DSCAM: variants seen among roughly 807,000 people sequenced by gnomAD.
The protein encoded by DSCAM is DS cell adhesion molecule, also known as cell adhesion molecule DSCAM.
Under a neutral mutation model 217.7 loss-of-function variants are expected in DSCAM, and 47 were observed. The ratio of observed to expected loss-of-function variants is 0.22; its 90% CI spans 0.17 to 0.28. DSCAM has a LOEUF of 0.28. DSCAM is among the 10% of genes least tolerant of loss of function. The pLI is 1.00. For synonymous variants in DSCAM, 1,056 were observed against 1,015.3 expected, an observed-to-expected ratio of 1.04 and a Z score of -0.76; for missense variants, 2,080 against 2,618.3, an observed-to-expected ratio of 0.79 and a Z score of 4.49.
At chr21:40,069,216 GA>G (rs1458193444) in intron 27 of DSCAM, among the ~76,000 whole-genome samples, 1 of 152,202 alleles carries the variant, frequency 6.6e-6, no homozygotes, top group Non-Finnish European at 1.5e-5. Context: ...CTATGGAGAA[GA>G]AAGAGGAGCG....
chr21:40,670,074 A>C (rs1293416105), intron 3 of DSCAM, among the ~76,000 whole-genome samples: 4 of 152,190 alleles, frequency 2.6e-5, no homozygotes, highest in Non-Finnish European at 4.4e-5. Context: ...TACTAGTTCA[A>C]GTTAATTCAC....
At chr21:40,213,774 A>G (rs2146886693) in intron 11 of DSCAM, among the ~76,000 whole-genome samples, 1 of 152,284 alleles carries the variant, frequency 6.6e-6, no homozygotes, top group South Asian at 2.1e-4. Context: ...AGCCTCTCCA[A>G]GACATGCAGG....
intron 1 of DSCAM, among the ~76,000 whole-genome samples, chr21:40,839,631 G>A (rs1453250616): frequency 1.3e-5 from 2 of 151,772 alleles, no homozygotes; most frequent in East Asian, 1.9e-4. Flanking sequence ...GCAAGGGTTG[G>A]TATGCTTTTT....
intron 10 of DSCAM, among the ~76,000 whole-genome samples, 190 bp downstream of exon 10, chr21:40,295,865 C>T (rs192818302): frequency 5.3e-4 from 81 of 152,268 alleles, no homozygotes; most frequent in African/African-American, 1.5e-3. Flanking sequence ...ACAACAGACA[C>T]GTTGTGTGTC....
intron 3 of DSCAM, among the ~76,000 whole-genome samples, chr21:40,393,034 C>T (rs1466973417): frequency 6.6e-6 from 1 of 152,202 alleles, no homozygotes; most frequent in Non-Finnish European, 1.5e-5. Context: ...TCCTTGACAT[C>T]AAGTGTAAGC....
At chr21:40,185,840 C>T (rs960744358) in intron 14 of DSCAM, among the ~76,000 whole-genome samples, 6 of 152,178 alleles carry the variant, frequency 3.9e-5, no homozygotes, top group Admixed American at 2.0e-4. Context: ...GGTGAGCCCC[C>T]CAGGTCACTG....
In DSCAM at chr21:40,599,171, T is replaced by C. The variant is rs1053020242; in HGVS notation, c.508+93639A>G. 2.3e-4 allele frequency among the ~76,000 whole-genome samples: 35 copies of C among 152,294 alleles called. 1 individual carries two copies. The highest frequency in any genetic ancestry group is 7.7e-4 in the African/African-American group (32 of 41,576). ...GCTTGTCTTTTAACGTTCTCAATTG[T>C]TCAATTGTGTCTTTTGCTGAGCAGA... On this transcript the variant is annotated intron_variant, in intron 3 of 32. Coordinates refer to ENST00000400454, the MANE Select transcript of DSCAM (RefSeq NM_001389.5).
chr21:40,820,970 C>T (rs1259023802), intron 1 of DSCAM, among the ~76,000 whole-genome samples: 1 of 151,424 alleles, frequency 6.6e-6, no homozygotes, highest in African/African-American at 2.4e-5. Flanking sequence ...GTACCCAAAC[C>T]AGATATCCAG....
chr21:40,125,330 A>C (rs2090082671), intron 19 of DSCAM, among the ~76,000 whole-genome samples: 1 of 152,210 alleles, frequency 6.6e-6, no homozygotes, highest in African/African-American at 2.4e-5. Flanking sequence ...AGACAAGAAG[A>C]TGCCAAAATG....
At chr21:40,606,351 G>A (rs1353517206) in intron 3 of DSCAM, among the ~76,000 whole-genome samples, 1 of 152,290 alleles carries the variant, frequency 6.6e-6, no homozygotes, top group African/African-American at 2.4e-5. Context: ...GTGGGAATGA[G>A]AGCCTGCATT....
In DSCAM at chr21:40,312,453, C is replaced by T. The variant is rs534605106; in HGVS notation, c.1784-94G>A. 3.9e-4 allele frequency: 549 copies of T among 1,395,156 alleles called. 7 individuals carry two copies. In the South Asian group the frequency reaches 4.8e-3, roughly 12 times the overall value. The allele number at this position is 1,395,156 out of a possible 1,614,324, so 86.4% of individuals were successfully genotyped here. On this transcript the variant is annotated intron_variant, in intron 8 of 32. Transcript: ENST00000400454. ...TACGGCACTGAAAGGGTAGTACAGACGATCATAGATACAGCATAGAAATAC... is the reference window on the plus strand; with the variant it reads ...TACGGCACTGAAAGGGTAGTACAGATGATCATAGATACAGCATAGAAATAC...
chr21:40,319,343 C>T (rs922484080), intron 8 of DSCAM, among the ~76,000 whole-genome samples: 2 of 152,140 alleles, frequency 1.3e-5, no homozygotes, highest in Non-Finnish European at 1.5e-5. Flanking sequence ...CCCAATCATC[C>T]ATGTCTTCCT....
At chr21:40,710,310 T>C (rs780139530) in intron 1 of DSCAM, among the ~76,000 whole-genome samples, 5 of 152,214 alleles carry the variant, frequency 3.3e-5, no homozygotes, top group Non-Finnish European at 7.3e-5. Flanking sequence ...AAAGAGAATT[T>C]TGACAAAAGC....
intron 2 of DSCAM, among the ~76,000 whole-genome samples, chr21:40,703,396 C>G (rs548946694): frequency 4.3e-4 from 66 of 152,166 alleles, no homozygotes; most frequent in African/African-American, 1.5e-3. Context: ...GCATGCACCT[C>G]TGGTCCCAGC....
rs561143167 is a variant in DSCAM, at chr21:40,104,769, G to A, written c.3697-10895C>T. ...ATGCACCACTTTATTGGGGGATGTC[G>A]ATAGTGGGGGAGGCTGTGCAGTAGG... On this transcript the variant is annotated intron_variant, in intron 20 of 32. Transcript: ENST00000400454. Among the ~76,000 whole-genome samples the A allele has an allele frequency of 1.5e-3, 227 of 152,256 alleles. 1 individual carries two copies. Among genetic ancestry groups the A allele is most frequent in the African/African-American group, 5.1e-3 (211 of 41,550 alleles).
At chr21:40,494,350 A>G (rs1466618375) in intron 3 of DSCAM, among the ~76,000 whole-genome samples, 6 of 152,218 alleles carry the variant, frequency 3.9e-5, no homozygotes, top group Admixed American at 3.3e-4. Flanking sequence ...CTGAAAGGCC[A>G]TAAGTCTTAA....
At chr21:40,375,972 C>T (rs559415765) in intron 3 of DSCAM, among the ~76,000 whole-genome samples, 3 of 152,210 alleles carry the variant, frequency 2.0e-5, no homozygotes, top group South Asian at 2.1e-4. Flanking sequence ...ATTATGCTCC[C>T]TGGCTTTTTA....
intron 3 of DSCAM, among the ~76,000 whole-genome samples, chr21:40,502,432 A>G (rs1257516100): frequency 2.0e-5 from 3 of 152,198 alleles, no homozygotes; most frequent in African/African-American, 7.2e-5. Context: ...GGTATTATCT[A>G]TAGTTCTGTA....
chr21:40,445,298 C>T (rs182315029), intron 3 of DSCAM, among the ~76,000 whole-genome samples: 43 of 152,282 alleles, frequency 2.8e-4, no homozygotes, highest in East Asian at 9.6e-4. Flanking sequence ...GCTTTAATTG[C>T]GTGCTGGCCT....
Sources: allele counts gnomAD v4.1 joint callset (sites outside exome capture counted in the v4.1 genomes callset), GRCh38; gene constraint gnomAD v4.1.1; transcripts MANE v1.5; gene names NCBI Gene and HGNC (gene_info 2026-07-23, HGNC 2026-07-21).